Variants in CDYL2 observed in about 807,000 individuals in gnomAD.
The protein encoded by CDYL2 is chromodomain Y-like protein 2.
CDYL2 carries 23 observed loss-of-function variants against 49.4 expected under a neutral mutation model. The ratio of observed to expected loss-of-function variants is 0.47; its 90% CI spans 0.34 to 0.66. The LOEUF (loss-of-function observed/expected upper bound fraction) is 0.66, where lower values mean the gene tolerates loss of function less well. Among genes scored for constraint, CDYL2 ranks in the 30% least tolerant of loss-of-function variants. The probability of loss-of-function intolerance (pLI) is 0.01; values close to 1 mark genes in which losing one functional copy is unlikely to be tolerated. For missense variants in CDYL2, 678 were observed against 656.4 expected (o/e 1.03, Z -0.36); for synonymous variants, 360 against 268.8 (o/e 1.34, Z -3.32).
In CDYL2 at chr16:80,677,162, G is replaced by A. The variant is rs551894150; in HGVS notation, c.616+7376C>T. 9.9e-5 allele frequency among the ~76,000 whole-genome samples: 15 copies of A among 151,642 alleles called. No individual in the cohort carries two copies. The South Asian group carries it at 3.1e-3, about 32-fold the overall frequency. On this transcript the variant is annotated intron_variant, in intron 2 of 6. Coordinates refer to ENST00000570137, the MANE Select transcript of CDYL2 (RefSeq NM_152342.4). ...ATTTTTGTATTTTTTTGGAGAGACA[G>A]GGTTTCGCCATGTTGCCCAGGCTGG... is the stretch of plus-strand genomic sequence containing the variant.
At chr16:80,780,546 A>T (rs1907230058) in intron 1 of CDYL2, among the ~76,000 whole-genome samples, 1 of 151,730 alleles carries the variant, frequency 6.6e-6, no homozygotes, top group South Asian at 2.1e-4. Flanking sequence ...CTGGGATTAC[A>T]GGCACCTGCC....
chr16:80,754,224 C>T lies in CDYL2; in HGVS notation c.24+49926G>A, dbSNP rs548584314. On this transcript the variant is annotated intron_variant, in intron 1 of 6. Coordinates refer to ENST00000570137, the MANE Select transcript of CDYL2 (RefSeq NM_152342.4). ...GACAAACTAATCAATCCTTGCCAAC[C>T]AGTGACACATCAGCAAAGGAGGTGA... is the stretch of plus-strand genomic sequence containing the variant. Among the ~76,000 whole-genome samples, 9 of 152,266 alleles carry T rather than the reference C, an allele frequency of 5.9e-5. No individual in the cohort carries two copies. The South Asian group carries it at 1.2e-3, about 21-fold the overall frequency.
chr16:80,672,197 CAT>C (rs778804573), intron 2 of CDYL2, among the ~76,000 whole-genome samples: 1 of 151,970 alleles, frequency 6.6e-6, no homozygotes, highest in Non-Finnish European at 1.5e-5. Flanking sequence ...CTTCTGAAAA[CAT>C]ATAAATGGCA....
rs773625141 is a variant in CDYL2 at position 80,612,600 on chromosome 16, G to A, written c.1218+26C>T. 15 of 1,575,724 alleles carry A rather than the reference G, an allele frequency of 9.5e-6. No individual in the cohort carries two copies. Among genetic ancestry groups the A allele is most frequent in the East Asian group, 4.5e-5 (2 of 44,208 alleles). ...CAGAGGAAGGATCCTGCTGGGACCC[G>A]AATCCAGGTATCACAGGAGGCTTAC... On this transcript the variant is annotated intron_variant, in intron 5 of 6. Coordinates refer to ENST00000570137, the MANE Select transcript of CDYL2 (RefSeq NM_152342.4). This position sits in a 1 kb window ranked among gnomAD's most constrained non-coding sequence, Gnocchi z 5.0.
chr16:80,627,285 A>G (rs1907347141), intron 3 of CDYL2, among the ~76,000 whole-genome samples: 2 of 152,122 alleles, frequency 1.3e-5, no homozygotes, highest in South Asian at 4.1e-4. Flanking sequence ...TTTCTCTGAG[A>G]GGCAAATAAA....
chr16:80,730,307 G>C (rs1359400728), intron 1 of CDYL2, among the ~76,000 whole-genome samples: 1 of 152,084 alleles, frequency 6.6e-6, no homozygotes, highest in Non-Finnish European at 1.5e-5. Flanking sequence ...ACTGCCATTA[G>C]AGAATGCTAC....
Position 80,684,712 on chromosome 16 carries a change from G to T in CDYL2, c.442C>A (p.Pro148Thr), listed in dbSNP as rs770181158. Residue 148 changes from proline to threonine, a missense_variant, in exon 2 of 7, where the codon CCC (proline) becomes ACC (threonine). Around this residue, in one of 3 missense-constraint regions of CDYL2, gnomAD observed 478 missense variants for 427.0 expected, o/e 1.12. Transcript: ENST00000570137. ...ATCCCGTTCTGAGACTTTTTCAGGG[G>T]CATTATTTGCAAACCACTGGGGGTA... is the stretch of plus-strand genomic sequence containing the variant. The part of the protein sequence containing the change: ...RTTPSGLQIM[P>T]LKKSQNGMEN... The T allele has an allele frequency of 6.2e-7, 1 of 1,614,130 alleles. No individual in the cohort carries two copies. The highest frequency in any genetic ancestry group is 1.1e-5 in the South Asian group (1 of 91,072).
chr16:80,762,744 G>C (rs1489393100), intron 1 of CDYL2, among the ~76,000 whole-genome samples: 1 of 152,148 alleles, frequency 6.6e-6, no homozygotes, highest in Non-Finnish European at 1.5e-5. Flanking sequence ...CAAGTGTCCA[G>C]CTGAGGTGAA....
intron 2 of CDYL2, among the ~76,000 whole-genome samples, chr16:80,642,781 A>G (rs1398889926): frequency 6.6e-6 from 1 of 152,198 alleles, no homozygotes; most frequent in Non-Finnish European, 1.5e-5. Flanking sequence ...TGAGAACAGT[A>G]TAGGGAAAAT....
chr16:80,713,242 C>A (rs572421794), intron 1 of CDYL2, among the ~76,000 whole-genome samples: 1 of 152,284 alleles, frequency 6.6e-6, no homozygotes, highest in Non-Finnish European at 1.5e-5. Flanking sequence ...AAGATAAATG[C>A]ACGGATAAAT....
rs375150549 is a variant in CDYL2 at position 80,599,643 on chromosome 16, T to G, written c.*4745A>C. The G allele has an allele frequency of 2.6e-5, 4 of 152,146 alleles. No homozygotes were observed. The allele number at this position is 152,146 out of a possible 1,614,324, so 9.4% of individuals were successfully genotyped here. ...TTGTCTACACAGTAAGACTCATAGG[T>G]AAACTTTGTTAACATCTCTCAGGGA... On this transcript the variant is annotated 3_prime_UTR_variant, in exon 7 of 7. Coordinates refer to ENST00000570137, the MANE Select transcript of CDYL2 (RefSeq NM_152342.4).
At chr16:80,780,903 GT>G (rs1383909094) in intron 1 of CDYL2, among the ~76,000 whole-genome samples, 4 of 152,158 alleles carry the variant, frequency 2.6e-5, no homozygotes, top group Non-Finnish European at 5.9e-5. Context: ...ACCTGTAGAT[GT>G]TAATAAATCA....
At chr16:80,672,277 G>A (rs1366829744) in intron 2 of CDYL2, among the ~76,000 whole-genome samples, 2 of 149,644 alleles carry the variant, frequency 1.3e-5, no homozygotes, top group African/African-American at 4.9e-5. Context: ...ACGCTATATT[G>A]AGCAGAAAAA....
rs565674343 is a variant in CDYL2 at position 80,608,338 on chromosome 16, C to T, written c.1219-103G>A. 7 of 1,280,936 alleles carry T rather than the reference C, an allele frequency of 5.5e-6. No individual in the cohort carries two copies. In the African/African-American group the frequency reaches 1.1e-4, roughly 19 times the overall value. The allele number at this position is 1,280,936 out of a possible 1,614,324, so 79.3% of individuals were successfully genotyped here. On this transcript the variant is annotated intron_variant, in intron 5 of 6. Coordinates refer to ENST00000570137, the MANE Select transcript of CDYL2 (RefSeq NM_152342.4). ...CTGCAACCATCCCAGTTCTGGAAGG[C>T]ATCTTGCCTTCCAGATCCTTATCTT...
chr16:80,687,162 T>G (rs1331074221), intron 1 of CDYL2, among the ~76,000 whole-genome samples: 1 of 152,234 alleles, frequency 6.6e-6, no homozygotes, highest in Non-Finnish European at 1.5e-5. Flanking sequence ...AATCTGACAT[T>G]GCCTGAAACA....
At chr16:80,789,285 GGAAAA>G (rs1907533844) in intron 1 of CDYL2, among the ~76,000 whole-genome samples, 1 of 152,112 alleles carries the variant, frequency 6.6e-6, no homozygotes, top group Non-Finnish European at 1.5e-5. Flanking sequence ...TCTACCCAAA[GGAAAA>G]GAAATCATTA....
chr16:80,642,696 A>G (rs1288169004), intron 2 of CDYL2, among the ~76,000 whole-genome samples: 1 of 152,152 alleles, frequency 6.6e-6, no homozygotes, highest in Admixed American at 6.5e-5. Context: ...AGCAGTGGCA[A>G]GAGGAAATAA....
At chr16:80,673,987 A>G (rs191711091) in intron 2 of CDYL2, among the ~76,000 whole-genome samples, 11 of 152,290 alleles carry the variant, frequency 7.2e-5, no homozygotes, top group Admixed American at 6.5e-5. Context: ...AGGCAAGGAA[A>G]TGGATTCTCC....
intron 1 of CDYL2, among the ~76,000 whole-genome samples, chr16:80,757,136 A>C (rs1906338756): frequency 6.6e-6 from 1 of 152,226 alleles, no homozygotes; most frequent in South Asian, 2.1e-4. Flanking sequence ...ACAGACAGAG[A>C]AAATGACCAC....
Sources: allele counts gnomAD v4.1 joint callset (sites outside exome capture counted in the v4.1 genomes callset), GRCh38; gene constraint gnomAD v4.1.1; regional missense constraint gnomAD v4.1.1; non-coding constraint Gnocchi (gnomAD v3.1); transcripts MANE v1.5; gene names NCBI Gene and HGNC (gene_info 2026-07-23, HGNC 2026-07-21).